The following ZNF668 variants were observed in gnomAD, a reference collection of about 807,000 sequenced individuals.
ZNF668 encodes the protein zinc finger protein 668.
In ZNF668, 10 loss-of-function variants were observed where a neutral mutation model predicts 40.3. The ratio of observed to expected loss-of-function variants is 0.25; its 90% CI spans 0.15 to 0.42. The LOEUF (loss-of-function observed/expected upper bound fraction) is 0.42, where lower values mean the gene tolerates loss of function less well. Ranked by LOEUF, ZNF668 falls within the 10% of genes least tolerant of loss-of-function variation. ZNF668 has a pLI of 1.00. For missense variants in ZNF668, 749 were observed against 904.6 expected, an observed-to-expected ratio of 0.83 and a Z score of 2.21; for synonymous variants, 428 against 384.6, an observed-to-expected ratio of 1.11 and a Z score of -1.32.
intron 1 of ZNF668, chr16:31,064,931 GGGCTAAATCT>G (rs1275412472): frequency 7.3e-7 from 1 of 1,362,794 alleles, no homozygotes; most frequent in Non-Finnish European, 9.5e-7. Flanking sequence ...CTGAGCCAAT[GGGCTAAATCT>G]GGTAGCTGGC....
At position 31,064,241 on chromosome 16, in the gene ZNF668, C is replaced by A. The variant is rs1217387112; in HGVS notation, c.219G>T (p.Lys73Asn). Residue 73 changes from lysine (K) to asparagine (N), a missense_variant, in exon 2 of 3, where the codon AAG (lysine) becomes AAT (asparagine). Transcript: ENST00000300849. Reference protein sequence around the residue: ...EAKAEEASGEKVSGSAAKPRP... With the variant: ...EAKAEEASGENVSGSAAKPRP... ...TAGGCTTGGCCGCGGAGCCTGACAC[C>A]TTCTCCCCACTGGCTTCCTCTGCCT... 1 of 1,613,552 alleles carries A rather than the reference C, an allele frequency of 6.2e-7. No individual in the cohort carries two copies. Among genetic ancestry groups the A allele is most frequent in the East Asian group, 2.2e-5 (1 of 44,880 alleles).
At chr16:31,063,663 C>T in intron 2 of ZNF668, 150 bp downstream of exon 2, 1 of 906,072 alleles carries the variant, frequency 1.1e-6, no homozygotes, top group Non-Finnish European at 1.6e-6. Context: ...GCACCAATTT[C>T]TCCCACATGC....
intron 1 of ZNF668, among the ~76,000 whole-genome samples, chr16:31,066,819 A>T (rs72785521): frequency 0.16 from 24,858 of 152,142 alleles, 2,529 homozygotes; most frequent in Non-Finnish European, 0.23. Context: ...ATCCCTCCCT[A>T]TTTCTGGATG....
At position 31,061,500 on chromosome 16, in the gene ZNF668, C is replaced by T; in HGVS notation, c.1428G>A (p.Val476=). 2 of 1,612,990 alleles carry T rather than the reference C, an allele frequency of 1.2e-6. No homozygotes were observed. The highest frequency in any genetic ancestry group is 1.7e-6 in the Non-Finnish European group (2 of 1,179,980). Residue 476 remains valine (V), a synonymous_variant, in exon 3 of 3, where the codon GTG becomes GTA. Transcript: ENST00000300849. This position sits in a 1 kb window ranked among gnomAD's most constrained non-coding sequence, Gnocchi z 7.7. ...CCACATGCTCCACCGTCATGCCCAC[C>T]ACCTGCCACTGTGTGGCCATCACAC... ...SGGVMATQWQ[V]VGMTVEHVEC...
chr16:31,068,100 A>C (rs1462408047), intron 1 of ZNF668, among the ~76,000 whole-genome samples: 1 of 150,796 alleles, frequency 6.6e-6, no homozygotes, highest in African/African-American at 2.4e-5. Context: ...TGGAGGGGAA[A>C]TCCCTCCTCC....
Position 31,061,017 on chromosome 16 carries a change from C to T in ZNF668, c.*51G>A, listed in dbSNP as rs2056916248. ...GCCAGGCAAAAGGAGGTACAGGAAG[C>T]CCCCGATGGGGGCTGGGCTCCCGGA... is the stretch of plus-strand genomic sequence containing the variant. On this transcript the variant is annotated 3_prime_UTR_variant, in exon 3 of 3. Transcript: ENST00000300849. This position sits in a 1 kb window ranked among gnomAD's most constrained non-coding sequence, Gnocchi z 7.7. 2.1e-6 allele frequency: 3 copies of T among 1,425,156 alleles called. No homozygotes were observed. Among genetic ancestry groups the T allele is most frequent in the Non-Finnish European group, 2.8e-6 (3 of 1,086,596 alleles). 88.3% of individuals were successfully genotyped at this position (1,425,156 alleles called of 1,614,324 possible). A position where few individuals can be genotyped will look rare whatever the true frequency, so the allele number is the denominator to read the frequency against.
At chr16:31,065,530 AC>A (rs1190922307) in intron 1 of ZNF668, 1 of 152,110 alleles carries the variant, frequency 6.6e-6, no homozygotes, top group Non-Finnish European at 1.5e-5. Context: ...TTACTATGAG[AC>A]CTCAGTGAAA....
chr16:31,065,012 T>A (rs955034074), intron 1 of ZNF668: 18 of 1,148,522 alleles, frequency 1.6e-5, no homozygotes, highest in Admixed American at 1.3e-4. Context: ...GGATGGTTAG[T>A]CCTCAGAGAC....
At chr16:31,068,532 T>A (rs1332859683) in intron 1 of ZNF668, among the ~76,000 whole-genome samples, 11 of 150,988 alleles carry the variant, frequency 7.3e-5, no homozygotes, top group Non-Finnish European at 1.5e-4. Context: ...TTTTTTTTTT[T>A]TTTTTATTAA....
intron 1 of ZNF668, 174 bp from the exon 2 acceptor site, chr16:31,064,655 AAAG>A: frequency 6.5e-7 from 1 of 1,536,230 alleles, no homozygotes; most frequent in African/African-American, 1.4e-5. Flanking sequence ...CTCATTGAAG[AAAG>A]GAGTTGGACC....
intron 2 of ZNF668, among the ~76,000 whole-genome samples, chr16:31,063,334 T>C (rs1318718134): frequency 1.3e-5 from 2 of 152,046 alleles, no homozygotes; most frequent in East Asian, 1.9e-4. Context: ...GCTTGCTGTG[T>C]TGCCCAGGCT....
intron 1 of ZNF668, among the ~76,000 whole-genome samples, chr16:31,066,953 G>A (rs1291883790): frequency 1.3e-5 from 2 of 151,818 alleles, no homozygotes; most frequent in Non-Finnish European, 2.9e-5. Flanking sequence ...GACCAAGGCG[G>A]GTGGATCGCT....
chr16:31,066,485 G>A, intron 1 of ZNF668: 3 of 549,170 alleles, frequency 5.5e-6, no homozygotes, highest in Non-Finnish European at 7.0e-6. Flanking sequence ...TGAACCCAGG[G>A]GTTCGAGGCT....
At chr16:31,063,729 T>G in intron 2 of ZNF668, 84 bp downstream of exon 2, 1 of 1,394,112 alleles carries the variant, frequency 7.2e-7, no homozygotes, top group Non-Finnish European at 9.5e-7. Context: ...CACTTTACCC[T>G]GAGACTCAAA....
Position 31,064,038 on chromosome 16 carries a change from C to A in ZNF668, c.422G>T (p.Arg141Leu), listed in dbSNP as rs2056959670. The A allele has an allele frequency of 6.2e-7, 1 of 1,604,620 alleles. No individual in the cohort carries two copies. The highest frequency in any genetic ancestry group is 1.3e-5 in the African/African-American group (1 of 74,742). Reference sequence around the variant, plus strand: ...ATAGGCCTTCGGGCAGTGCGCACAGCGGAAGGGCAGTTCGCCAGCGTGCGA... The same window carrying A: ...ATAGGCCTTCGGGCAGTGCGCACAGAGGAAGGGCAGTTCGCCAGCGTGCGA... Reference protein sequence around the residue: ...LASHAGELPFRCAHCPKAYGA... With the variant: ...LASHAGELPFLCAHCPKAYGA... The change falls in exon 2 of 3, where the codon CGC (arginine) becomes CTC (leucine). Residue 141 changes from arginine to leucine, a missense_variant. Physicochemically the swap from Arg to Leu is moderately radical, Grantham distance 102 (BLOSUM62 -2). Around this residue, in one of 4 missense-constraint regions of ZNF668, gnomAD observed 151 missense variants for 178.6 expected, o/e 0.85. Coordinates refer to ENST00000300849, the MANE Select transcript of ZNF668 (RefSeq NM_024706.5).
intron 1 of ZNF668, among the ~76,000 whole-genome samples, chr16:31,068,239 A>AAAAAAATATATATATAT (rs1473353128): frequency 2.4e-5 from 2 of 82,990 alleles, no homozygotes; most frequent in African/African-American, 1.0e-4. Context: ...AAAAAAAAAA[A>AAAAAAATATATATATAT]ATATATATAT....
chr16:31,061,537 G>T lies in ZNF668; in HGVS notation c.1391C>A (p.Pro464Gln). Residue 464 changes from proline (P) to glutamine (Q), a missense_variant, in exon 3 of 3, where the codon CCG becomes CAG. Pro to Gln is a moderately conservative substitution (Grantham distance 76). Around this residue, in one of 4 missense-constraint regions of ZNF668, gnomAD observed 310 missense variants for 355.1 expected, o/e 0.87. Transcript: ENST00000300849. The surrounding 1 kb of genome is among the most constrained non-coding windows in gnomAD (Gnocchi z 7.7). The part of the protein sequence containing the change: ...DPPAGLLGLP[P>Q]ESGGVMATQW... Reference sequence around the variant, plus strand: ...TGTGGCCATCACACCACCTGACTCCGGGGGCAGCCCTAGCAGCCCTGCTGG... The same window carrying T: ...TGTGGCCATCACACCACCTGACTCCTGGGGCAGCCCTAGCAGCCCTGCTGG... The T allele has an allele frequency of 6.2e-7, 1 of 1,611,004 alleles. No homozygotes were observed. Among genetic ancestry groups the T allele is most frequent in the Non-Finnish European group, 8.5e-7 (1 of 1,179,932 alleles).
rs1482114424 is a variant in ZNF668, at chr16:31,064,018, C to T, written c.442G>A (p.Ala148Thr). The T allele has an allele frequency of 4.4e-6, 7 of 1,606,684 alleles. No homozygotes were observed. Among genetic ancestry groups the T allele is most frequent in the East Asian group, 2.2e-5 (1 of 44,638 alleles). Reference protein sequence around the residue: ...LPFRCAHCPKAYGALSKLKIH... With the variant: ...LPFRCAHCPKTYGALSKLKIH... The stretch of plus-strand genomic sequence containing the variant: ...TTGAGCTTGGAGAGCGCGCCATAGG[C>T]CTTCGGGCAGTGCGCACAGCGGAAG... The change falls in exon 2 of 3, where the codon GCC becomes ACC. Residue 148 changes from alanine to threonine, a missense_variant. By Grantham distance (58) the Ala-to-Thr change is moderately conservative. Coordinates refer to ENST00000300849, the MANE Select transcript of ZNF668 (RefSeq NM_024706.5).
At chr16:31,064,891 A>G (rs1427332490) in intron 1 of ZNF668, 4 of 1,413,688 alleles carry the variant, frequency 2.8e-6, no homozygotes, top group Non-Finnish European at 2.8e-6. Context: ...CCAAGCGCCC[A>G]GAAAAGACAG....
Sources: allele counts gnomAD v4.1 joint callset (sites outside exome capture counted in the v4.1 genomes callset), GRCh38; gene constraint gnomAD v4.1.1; regional missense constraint gnomAD v4.1.1; non-coding constraint Gnocchi (gnomAD v3.1); transcripts MANE v1.5; gene names NCBI Gene and HGNC (gene_info 2026-07-23, HGNC 2026-07-21).